Variants in IQUB observed in about 807,000 individuals in gnomAD.
IQUB encodes the protein IQ motif and ubiquitin-like domain-containing protein.
Under a neutral mutation model 86.4 loss-of-function variants are expected in IQUB, and 86 were observed. The observed-to-expected ratio is 1.00, with a 90% CI of 0.84 to 1.19. IQUB has a LOEUF of 1.19. Among genes scored for constraint, IQUB ranks in the 50% most tolerant of loss-of-function variants. The probability of loss-of-function intolerance (pLI) is 0.00; values close to 1 mark genes in which losing one functional copy is unlikely to be tolerated. For missense variants in IQUB, 946 were observed against 916.9 expected (o/e 1.03, Z -0.41); for synonymous variants, 289 against 304.5 (o/e 0.95, Z 0.53).
At chr7:123,465,485 T>C (rs1167361156) in intron 9 of IQUB, among the ~76,000 whole-genome samples, 7 of 152,006 alleles carry the variant, frequency 4.6e-5, no homozygotes, top group Non-Finnish European at 1.0e-4. Flanking sequence ...TGTTTAATAT[T>C]TGTTAAACTG....
chr7:123,528,573 G>C (rs1170951998), intron 1 of IQUB, among the ~76,000 whole-genome samples: 1 of 152,146 alleles, frequency 6.6e-6, no homozygotes, highest in South Asian at 2.1e-4. Context: ...CTGTATCTCA[G>C]TGTAGGAGTC....
chr7:123,524,866 A>T (rs1797110438), intron 1 of IQUB, among the ~76,000 whole-genome samples: 1 of 151,244 alleles, frequency 6.6e-6, no homozygotes, highest in Non-Finnish European at 1.5e-5. Context: ...TTATTTTCAG[A>T]TACGTCCCAT....
At chr7:123,511,850 T>C in intron 2 of IQUB, 94 bp downstream of exon 2, 2 of 962,966 alleles carry the variant, frequency 2.1e-6, no homozygotes, top group South Asian at 1.8e-5. Context: ...ATATCAAATA[T>C]AAAACAAATC....
chr7:123,486,571 T>A (rs1053935238), intron 7 of IQUB, among the ~76,000 whole-genome samples: 2 of 152,196 alleles, frequency 1.3e-5, no homozygotes, highest in African/African-American at 4.8e-5. Context: ...TAGTAAATAT[T>A]TATTAAATAG....
intron 12 of IQUB, among the ~76,000 whole-genome samples, chr7:123,455,877 A>C (rs981915634): frequency 6.6e-6 from 1 of 152,098 alleles, no homozygotes; most frequent in African/African-American, 2.4e-5. Context: ...ACAAGGAGAG[A>C]TCAATCTGCT....
intron 7 of IQUB, among the ~76,000 whole-genome samples, chr7:123,483,661 T>C (rs1222188652): frequency 6.6e-6 from 1 of 152,090 alleles, no homozygotes; most frequent in Non-Finnish European, 1.5e-5. Flanking sequence ...GGACATACTA[T>C]AAAATCCTTC....
At chr7:123,492,651 T>C (rs925228031) in intron 7 of IQUB, among the ~76,000 whole-genome samples, 4 of 152,166 alleles carry the variant, frequency 2.6e-5, no homozygotes, top group Non-Finnish European at 4.4e-5. Flanking sequence ...CACCCTCACC[T>C]CTCAGTTCCT....
intron 6 of IQUB, among the ~76,000 whole-genome samples, chr7:123,497,260 C>G (rs1795747047): frequency 1.3e-5 from 2 of 152,116 alleles, no homozygotes; most frequent in Admixed American, 1.3e-4. Flanking sequence ...ATGTGTAAAA[C>G]AGTGATAATA....
intron 1 of IQUB, among the ~76,000 whole-genome samples, chr7:123,523,138 A>G (rs1458837121): frequency 6.6e-6 from 1 of 151,800 alleles, no homozygotes; most frequent in Non-Finnish European, 1.5e-5. Context: ...GGTCTTTGCT[A>G]TTGTGAATAA....
chr7:123,497,051 A>G (rs1795736930), intron 6 of IQUB, 145 bp from the exon 7 acceptor site: 1 of 589,904 alleles, frequency 1.7e-6, no homozygotes, highest in Admixed American at 3.4e-5. Context: ...TTTCACAAAC[A>G]CTAACATAAA....
chr7:123,483,749 A>G (rs1563445518), intron 7 of IQUB, among the ~76,000 whole-genome samples: 1 of 152,020 alleles, frequency 6.6e-6, no homozygotes, highest in Non-Finnish European at 1.5e-5. Context: ...AGGTTTAAAG[A>G]CTTCCTTTGA....
intron 10 of IQUB, among the ~76,000 whole-genome samples, chr7:123,464,129 T>C (rs1794136448): frequency 6.6e-6 from 1 of 151,802 alleles, no homozygotes; most frequent in Non-Finnish European, 1.5e-5. Flanking sequence ...AATATAATCA[T>C]TGAAATAAAA....
At chr7:123,487,036 T>C (rs948339985) in intron 7 of IQUB, among the ~76,000 whole-genome samples, 1 of 152,164 alleles carries the variant, frequency 6.6e-6, no homozygotes, top group African/African-American at 2.4e-5. Context: ...GGGAGGTGAC[T>C]GGATCATGAG....
chr7:123,527,379 A>G (rs543962947), intron 1 of IQUB, among the ~76,000 whole-genome samples: 59 of 152,232 alleles, frequency 3.9e-4, no homozygotes, highest in Admixed American at 3.8e-3. Context: ...CCTCTGGAGG[A>G]GGAGAGGCAC....
chr7:123,457,545 T>G lies in IQUB; in HGVS notation c.2029A>C (p.Thr677Pro), dbSNP rs1793762731. 1 of 1,605,962 alleles carries G rather than the reference T, an allele frequency of 6.2e-7. No individual in the cohort carries two copies. Among genetic ancestry groups the G allele is most frequent in the South Asian group, 1.1e-5 (1 of 89,296 alleles). The change falls in exon 12 of 13, where the codon ACA becomes CCA. Residue 677 changes from threonine (T) to proline (P), a missense_variant. By Grantham distance (38) the Thr-to-Pro change is conservative (BLOSUM62 -1). Transcript: ENST00000324698. ...GACTGGGACGCCCAGATGTTCTCTG[T>G]CAGGTACTGAATGTCTTGTAGCTGC... ...LMQLQDIQYL[T>P]ENIWASQSVL...
At chr7:123,512,750 G>A (rs904357880) in intron 1 of IQUB, among the ~76,000 whole-genome samples, 2 of 152,126 alleles carry the variant, frequency 1.3e-5, no homozygotes, top group Admixed American at 6.5e-5. Context: ...TATAGCAAGT[G>A]TACCCTGAAC....
intron 2 of IQUB, 77 bp downstream of exon 2, chr7:123,511,867 C>CAT: frequency 8.6e-7 from 1 of 1,166,052 alleles, no homozygotes; most frequent in Non-Finnish European, 1.2e-6. Context: ...AATCTTTAAG[C>CAT]AAAAATAAGC....
At chr7:123,530,827 C>T (rs188681598) in intron 1 of IQUB, among the ~76,000 whole-genome samples, 2,515 of 152,102 alleles carry the variant, frequency 0.017, 71 homozygotes, top group African/African-American at 0.057. Flanking sequence ...TAGGCACCCC[C>T]CACCATGCCT....
At chr7:123,530,888 G>C (rs944796917) in intron 1 of IQUB, among the ~76,000 whole-genome samples, 4 of 151,920 alleles carry the variant, frequency 2.6e-5, no homozygotes, top group Non-Finnish European at 4.4e-5. Flanking sequence ...TGTTGGCCAG[G>C]CTGGTCTCAA....
Sources: gnomAD v4.1 joint callset for allele counts (sites outside exome capture counted in the v4.1 genomes callset) on GRCh38, gnomAD v4.1.1 for gene constraint, MANE v1.5 for transcripts, NCBI Gene and HGNC (gene_info 2026-07-23, HGNC 2026-07-21) for gene names.